NCAM1: variants seen among roughly 807,000 people sequenced by gnomAD.
NCAM1 encodes the protein antigen recognized by monoclonal antibody 5.1H11.
Under a neutral mutation model 109.8 loss-of-function variants are expected in NCAM1, and 14 were observed. That is an observed-to-expected ratio of 0.13 (90% CI 0.08 to 0.20). The LOEUF is 0.20. Among genes scored for constraint, NCAM1 ranks in the 10% least tolerant of loss-of-function variants. NCAM1 has a pLI of 1.00. For synonymous variants in NCAM1, 418 were observed against 442.9 expected (o/e 0.94, Z 0.70); for missense variants, 774 against 1,109.9 (o/e 0.70, Z 4.30).
At chr11:112,992,650 G>A (rs946196342) in intron 1 of NCAM1, among the ~76,000 whole-genome samples, 1 of 151,640 alleles carries the variant, frequency 6.6e-6, no homozygotes, top group Admixed American at 6.6e-5. Flanking sequence ...ACAGGCGCCC[G>A]CCACCATGCC....
chr11:113,074,528 A>G (rs782034211), intron 1 of NCAM1, among the ~76,000 whole-genome samples: 1 of 152,230 alleles, frequency 6.6e-6, no homozygotes, highest in Admixed American at 6.5e-5. Context: ...TGAGGGAAGT[A>G]TTCTGTATTT....
intron 1 of NCAM1, among the ~76,000 whole-genome samples, chr11:113,076,861 T>G (rs1555086225): frequency 1.3e-5 from 2 of 152,224 alleles, no homozygotes; most frequent in African/African-American, 4.8e-5. Flanking sequence ...CTAGGGAGAA[T>G]GTAACATTGG....
chr11:113,014,149 C>T (rs1204175236), intron 1 of NCAM1, among the ~76,000 whole-genome samples: 3 of 152,058 alleles, frequency 2.0e-5, no homozygotes, highest in Non-Finnish European at 4.4e-5. Context: ...GCTTGGGGAA[C>T]ACATTTAAAA....
intron 1 of NCAM1, among the ~76,000 whole-genome samples, chr11:113,104,033 G>A (rs928104917): frequency 2.0e-5 from 3 of 151,946 alleles, no homozygotes; most frequent in African/African-American, 7.3e-5. Context: ...TGGATGCGTC[G>A]TTTCTGCTGT....
At chr11:113,213,538 A>C (rs1012423204) in intron 7 of NCAM1, among the ~76,000 whole-genome samples, 2 of 152,142 alleles carry the variant, frequency 1.3e-5, no homozygotes, top group Non-Finnish European at 2.9e-5. Flanking sequence ...ATTTGAGTTA[A>C]TGCTAACACC....
intron 1 of NCAM1, among the ~76,000 whole-genome samples, chr11:113,104,466 CTATT>C (rs1940055404): frequency 6.6e-6 from 1 of 151,610 alleles, no homozygotes. Flanking sequence ...TGAAACTTAT[CTATT>C]TGTTATTGCT....
intron 1 of NCAM1, among the ~76,000 whole-genome samples, chr11:113,142,002 G>A (rs937370325): frequency 6.6e-6 from 1 of 152,146 alleles, no homozygotes; most frequent in Non-Finnish European, 1.5e-5. Context: ...ATGGGAATAA[G>A]CTTAACTGTT....
chr11:112,982,407 A>G (rs1190674770), intron 1 of NCAM1, among the ~76,000 whole-genome samples: 3 of 151,960 alleles, frequency 2.0e-5, no homozygotes, highest in Non-Finnish European at 4.4e-5. Context: ...CAGATGGGGA[A>G]GTAAGGAGGT....
chr11:113,271,661 G>A (rs1946277660), intron 18 of NCAM1, 99 bp from the exon 19 acceptor site: 5 of 769,088 alleles, frequency 6.5e-6, no homozygotes, highest in South Asian at 1.9e-5. Context: ...GGCTCTGGAT[G>A]CCCACCGTGC....
intron 1 of NCAM1, among the ~76,000 whole-genome samples, chr11:113,061,945 T>C (rs782161938): frequency 1.3e-5 from 2 of 152,168 alleles, no homozygotes; most frequent in Non-Finnish European, 2.9e-5. Flanking sequence ...ATCTCGATGG[T>C]TCATTTTCTG....
At chr11:113,118,920 C>A (rs1184083661) in intron 1 of NCAM1, among the ~76,000 whole-genome samples, 1 of 151,810 alleles carries the variant, frequency 6.6e-6, no homozygotes, top group African/African-American at 2.4e-5. Context: ...CACAGACAAA[C>A]AAAAATCAAT....
intron 1 of NCAM1, among the ~76,000 whole-genome samples, chr11:113,048,230 A>C (rs1355479848): frequency 6.6e-6 from 1 of 152,202 alleles, no homozygotes; most frequent in Admixed American, 6.5e-5. Context: ...TGGCATTGCT[A>C]TCTGTTCCAA....
chr11:113,267,343 C>CATGTAAATG (rs1301654076), intron 17 of NCAM1, among the ~76,000 whole-genome samples: 1 of 151,954 alleles, frequency 6.6e-6, no homozygotes, highest in Non-Finnish European at 1.5e-5. Flanking sequence ...AGATCATAAG[C>CATGTAAATG]ATGTAAATGA....
chr11:113,014,628 T>C (rs181866955), intron 1 of NCAM1, among the ~76,000 whole-genome samples: 20 of 152,334 alleles, frequency 1.3e-4, no homozygotes, highest in African/African-American at 4.8e-4. Context: ...GAGAAGTAGT[T>C]TGGGGTGCAT....
intron 1 of NCAM1, among the ~76,000 whole-genome samples, chr11:113,123,477 GTTC>G (rs1306670896): frequency 6.6e-6 from 1 of 152,180 alleles, no homozygotes; most frequent in Admixed American, 6.5e-5. Context: ...CTCTTACTCT[GTTC>G]TTCTTCTCAT....
At chr11:113,045,844 G>GT (rs199508588) in intron 1 of NCAM1, among the ~76,000 whole-genome samples, 117 of 143,598 alleles carry the variant, frequency 8.1e-4, no homozygotes, top group Middle Eastern at 7.2e-3. Context: ...GGATAAAAGA[G>GT]TTTTTTTTTT....
intron 1 of NCAM1, among the ~76,000 whole-genome samples, chr11:113,057,644 A>G (rs541130188): frequency 2.6e-5 from 4 of 152,302 alleles, no homozygotes; most frequent in Non-Finnish European, 5.9e-5. Context: ...GAAATCTAGT[A>G]ATTTGTTAGT....
chr11:112,988,085 G>A (rs562106817), intron 1 of NCAM1, among the ~76,000 whole-genome samples: 37 of 152,048 alleles, frequency 2.4e-4, no homozygotes, highest in Middle Eastern at 6.8e-3. Flanking sequence ...ACCATGAGGC[G>A]TACATAGAGC....
rs1014008076 is a variant in NCAM1, at chr11:113,274,924, A to C, written c.2457-343A>C. ...GGAGCTGCCTCTGCTGCCCCCTTCC[A>C]CCACCCCAGGTAAAAACACAGCCTC... On this transcript the variant is annotated intron_variant, in intron 19 of 19. Transcript: ENST00000316851. This position sits in a 1 kb window ranked among gnomAD's most constrained non-coding sequence, Gnocchi z 4.1. Among the ~76,000 whole-genome samples the C allele has an allele frequency of 3.3e-5, 5 of 152,032 alleles. No homozygotes were observed. Among genetic ancestry groups the C allele is most frequent in the African/African-American group, 1.2e-4 (5 of 41,404 alleles).
Sources: allele counts gnomAD v4.1 joint callset (sites outside exome capture counted in the v4.1 genomes callset), GRCh38; gene constraint gnomAD v4.1.1; non-coding constraint Gnocchi (gnomAD v3.1); transcripts MANE v1.5; gene names NCBI Gene and HGNC (gene_info 2026-07-23, HGNC 2026-07-21).